NAV1: variants seen among roughly 807,000 people sequenced by gnomAD.
The protein encoded by NAV1 is neuron navigator 1.
NAV1 carries 18 observed loss-of-function variants against 175.2 expected under a neutral mutation model. That is an observed-to-expected ratio of 0.10 (90% CI 0.07 to 0.15). The LOEUF (loss-of-function observed/expected upper bound fraction) is 0.15. Among genes scored for constraint, NAV1 ranks in the 10% least tolerant of loss-of-function variants. The pLI is 1.00. For synonymous variants in NAV1, 897 were observed against 978.7 expected, an observed-to-expected ratio of 0.92 and a Z score of 1.56; for missense variants, 1,731 against 2,436.6, an observed-to-expected ratio of 0.71 and a Z score of 6.10.
chr1:201,557,034 T>C (rs1008453542), intron 1 of NAV1, among the ~76,000 whole-genome samples: 14 of 152,088 alleles, frequency 9.2e-5, no homozygotes, highest in Non-Finnish European at 1.8e-4. Flanking sequence ...GGGCCCCCAC[T>C]TAAGGCTTGG....
chr1:201,647,754 G>A (rs1190549960), upstream of NAV1, among the ~76,000 whole-genome samples: 4 of 151,950 alleles, frequency 2.6e-5, no homozygotes, highest in African/African-American at 9.7e-5. Context: ...TTTGGGGTTG[G>A]GGGAGGGGAA....
chr1:201,710,982 T>A (rs1671879669), intron 1 of NAV1, among the ~76,000 whole-genome samples: 1 of 152,210 alleles, frequency 6.6e-6, no homozygotes, highest in Non-Finnish European at 1.5e-5. Context: ...CTTGGCACCA[T>A]GTTCTTAGTC....
intron 7 of NAV1, among the ~76,000 whole-genome samples, chr1:201,784,924 G>A (rs1676617144): frequency 6.6e-6 from 1 of 151,876 alleles, no homozygotes; most frequent in South Asian, 2.1e-4. Flanking sequence ...GCCCACCACT[G>A]CGTCTGGCTA....
At chr1:201,577,622 C>T (rs1364947343) in intron 1 of NAV1, among the ~76,000 whole-genome samples, 1 of 152,034 alleles carries the variant, frequency 6.6e-6, no homozygotes, top group Admixed American at 6.6e-5. Context: ...TCTGGATTCT[C>T]TATTCTGTTC....
rs186101371 is a variant in NAV1 at position 201,597,817 on chromosome 1, C to T, written c.-33+9168C>T. ...TTCCTCCTGCTGTGCCCGTGATGTC[C>T]TGGCCCAGTGTGACGAGGTGAGGCA... On this transcript the variant is annotated intron_variant, in intron 2 of 33. Coordinates refer to the NAV1 transcript ENST00000685211. 3.2e-3 allele frequency among the ~76,000 whole-genome samples: 480 copies of T among 152,354 alleles called. 1 individual carries two copies. Among genetic ancestry groups the T allele is most frequent in the Admixed American group, 8.3e-3 (127 of 15,306 alleles).
intron 1 of NAV1, among the ~76,000 whole-genome samples, chr1:201,658,961 G>A (rs543039235): frequency 4.6e-5 from 7 of 152,274 alleles, no homozygotes; most frequent in African/African-American, 1.4e-4. Context: ...TGTTCCTTTG[G>A]TATGCCACCA....
chr1:201,724,703 C>A (rs239969), intron 3 of NAV1: 131,431 of 152,724 alleles, frequency 0.86, 57,276 homozygotes, highest in Middle Eastern at 0.92. Flanking sequence ...GTGCTGTAGG[C>A]GTGTGTCGGG....
At chr1:201,603,739 G>A (rs1667589357) in intron 2 of NAV1, among the ~76,000 whole-genome samples, 2 of 152,122 alleles carry the variant, frequency 1.3e-5, no homozygotes, top group African/African-American at 4.8e-5. Context: ...GGGAGAGATT[G>A]TTATCCCCAT....
At chr1:201,578,851 G>A (rs1264461845) in intron 1 of NAV1, among the ~76,000 whole-genome samples, 1 of 152,058 alleles carries the variant, frequency 6.6e-6, no homozygotes, top group African/African-American at 2.4e-5. Flanking sequence ...AAGTTTTCTG[G>A]TCCGGGCATG....
upstream of NAV1, among the ~76,000 whole-genome samples, chr1:201,643,943 TTTAAG>T (rs1668891694): frequency 1.3e-5 from 2 of 152,354 alleles, no homozygotes; most frequent in South Asian, 2.1e-4. Context: ...CTCAAATTGC[TTTAAG>T]TTATCTGTCA....
intron 29 of NAV1, among the ~76,000 whole-genome samples, chr1:201,818,969 C>T (rs1339490834): frequency 6.6e-6 from 1 of 152,054 alleles, no homozygotes; most frequent in Non-Finnish European, 1.5e-5. Context: ...AGAAAATGCA[C>T]CAGGCTTACT....
chr1:201,760,467 C>T (rs1674770954), intron 3 of NAV1, among the ~76,000 whole-genome samples: 1 of 152,186 alleles, frequency 6.6e-6, no homozygotes, highest in African/African-American at 2.4e-5. Flanking sequence ...TGAAGTATTT[C>T]TTTTCCTCTG....
Position 201,788,375 on chromosome 1 carries a change from C to T in NAV1, c.2996-93C>T. On this transcript the variant is annotated intron_variant, in intron 9 of 29. Coordinates refer to ENST00000367296, the Ensembl canonical transcript of NAV1. The surrounding 1 kb of genome is among the most constrained non-coding windows in gnomAD (Gnocchi z 5.7). Reference sequence around the variant, plus strand: ...CCATTTGCCTCTCATGCTCCCGGTGCTCCATCCCCCAAGGGCCCGGAGAGC... The same window carrying T: ...CCATTTGCCTCTCATGCTCCCGGTGTTCCATCCCCCAAGGGCCCGGAGAGC... 9 of 1,373,808 alleles carry T rather than the reference C, an allele frequency of 6.6e-6. No individual in the cohort carries two copies. Among genetic ancestry groups the T allele is most frequent in the Non-Finnish European group, 9.2e-6 (9 of 974,628 alleles). The allele number at this position is 1,373,808 out of a possible 1,614,324, so 85.1% of individuals were successfully genotyped here.
At chr1:201,651,055 A>G (rs181685592) in intron 1 of NAV1, among the ~76,000 whole-genome samples, 1 of 151,656 alleles carries the variant, frequency 6.6e-6, no homozygotes, top group East Asian at 1.9e-4. Flanking sequence ...TATGGACAAA[A>G]TGCAACTGGC....
At position 201,580,221 on chromosome 1, in the gene NAV1, C is replaced by G. The variant is rs138293615; in HGVS notation, c.-143-8318C>G. ...TGAAGACAGATCTTCCTTACTCAGT[C>G]CACTGACTCAAATGCCAATCTCTTC... is the stretch of plus-strand genomic sequence containing the variant. On this transcript the variant is annotated intron_variant, in intron 1 of 33. Coordinates refer to the NAV1 transcript ENST00000685211. Among the ~76,000 whole-genome samples, 303 of 152,286 alleles carry G rather than the reference C, an allele frequency of 2.0e-3. 3 individuals are homozygous for G. Among genetic ancestry groups the G allele is most frequent in the African/African-American group, 7.0e-3 (292 of 41,556 alleles).
intron 1 of NAV1, among the ~76,000 whole-genome samples, chr1:201,667,868 T>A (rs1283019513): frequency 6.6e-6 from 1 of 152,194 alleles, no homozygotes; most frequent in Non-Finnish European, 1.5e-5. Context: ...AGGGATCCTC[T>A]TCTGGAAGAT....
intron 3 of NAV1, among the ~76,000 whole-genome samples, chr1:201,735,501 C>T (rs1398656043): frequency 6.6e-6 from 1 of 152,166 alleles, no homozygotes; most frequent in Admixed American, 6.5e-5. Flanking sequence ...GAGAAGCGCC[C>T]CACATTCATG....
At chr1:201,751,611 A>G (rs990343024) in intron 3 of NAV1, among the ~76,000 whole-genome samples, 4 of 152,228 alleles carry the variant, frequency 2.6e-5, no homozygotes, top group Non-Finnish European at 5.9e-5. Context: ...AGGTATTAAT[A>G]TTTGCAAAGC....
At chr1:201,775,498 A>C (rs1278472846) in intron 3 of NAV1, among the ~76,000 whole-genome samples, 1 of 152,154 alleles carries the variant, frequency 6.6e-6, no homozygotes, top group African/African-American at 2.4e-5. Context: ...AAAGGTTCTC[A>C]ATAACTTATA....
Sources: gnomAD v4.1 joint callset for allele counts (sites outside exome capture counted in the v4.1 genomes callset) on GRCh38, gnomAD v4.1.1 for gene constraint, Gnocchi (gnomAD v3.1) non-coding constraint, MANE v1.5 for transcripts, NCBI Gene and HGNC (gene_info 2026-07-23, HGNC 2026-07-21) for gene names.